The following CCDC33 variants were observed in gnomAD, a reference collection of about 807,000 sequenced individuals.
CCDC33 encodes coiled-coil domain containing 33.
CCDC33 carries 94 observed loss-of-function variants against 91.9 expected under a neutral mutation model. The observed-to-expected ratio is 1.02, with a 90% CI of 0.87 to 1.21. The LOEUF (loss-of-function observed/expected upper bound fraction) is 1.21. CCDC33 is among the 50% of genes most tolerant of loss of function. The pLI, the probability that CCDC33 is intolerant of heterozygous loss-of-function variation, is 0.00. For missense variants in CCDC33, 940 were observed against 935.5 expected, an observed-to-expected ratio of 1.00 and a Z score of -0.06; for synonymous variants, 396 against 374.5, an observed-to-expected ratio of 1.06 and a Z score of -0.66.
intron 7 of CCDC33, among the ~76,000 whole-genome samples, chr15:74,273,373 A>G (rs1039332828): frequency 6.6e-6 from 1 of 152,274 alleles, no homozygotes; most frequent in South Asian, 2.1e-4. Context: ...TGATGGTTAC[A>G]CAACAATACG....
At chr15:74,317,389 A>G (rs1226398570) in intron 11 of CCDC33, among the ~76,000 whole-genome samples, 2 of 152,176 alleles carry the variant, frequency 1.3e-5, no homozygotes, top group Non-Finnish European at 2.9e-5. Flanking sequence ...AGGAAAAAAG[A>G]AAAAGAGTAA....
intron 11 of CCDC33, among the ~76,000 whole-genome samples, chr15:74,314,497 G>A (rs182588345): frequency 6.6e-6 from 1 of 152,198 alleles, no homozygotes; most frequent in African/African-American, 2.4e-5. Flanking sequence ...AGTGGATTCA[G>A]TTAGGGCAAA....
At chr15:74,211,959 C>T (rs1183926064) in intron 2 of CCDC33, among the ~76,000 whole-genome samples, 1 of 152,096 alleles carries the variant, frequency 6.6e-6, no homozygotes, top group African/African-American at 2.4e-5. Context: ...CTTTGTTTTG[C>T]TCCCCACTCC....
chr15:74,228,763 T>C (rs1302390232), intron 2 of CCDC33, among the ~76,000 whole-genome samples: 1 of 152,198 alleles, frequency 6.6e-6, no homozygotes, highest in Non-Finnish European at 1.5e-5. Flanking sequence ...CCCCGTGGGA[T>C]TGTTTTCCAG....
intron 10 of CCDC33, among the ~76,000 whole-genome samples, chr15:74,288,732 C>A (rs1484214): frequency 0.52 from 79,119 of 151,978 alleles, 25,519 homozygotes; most frequent in Non-Finnish European, 0.72. Context: ...ACACTCACAG[C>A]CCCATCTGTA....
intron 5 of CCDC33, among the ~76,000 whole-genome samples, chr15:74,269,690 C>A (rs1012534535): frequency 1.4e-5 from 2 of 147,718 alleles, no homozygotes; most frequent in Non-Finnish European, 3.0e-5. Context: ...AGCCCTCTGA[C>A]TTGCCTGGTA....
chr15:74,261,686 C>T (rs1436388993), intron 2 of CCDC33, among the ~76,000 whole-genome samples: 1 of 152,144 alleles, frequency 6.6e-6, no homozygotes, highest in East Asian at 1.9e-4. Context: ...CTCCCTGAGC[C>T]GTTTGACGGC....
chr15:74,299,039 C>A (rs2059743133), intron 11 of CCDC33, among the ~76,000 whole-genome samples: 1 of 152,124 alleles, frequency 6.6e-6, no homozygotes, highest in South Asian at 2.1e-4. Context: ...GCAACAGTAA[C>A]CATTGTGAGC....
At chr15:74,271,663 C>T (rs564660460) in intron 5 of CCDC33, 40 bp from the exon 6 acceptor site, 1 of 1,528,036 alleles carries the variant, frequency 6.5e-7, no homozygotes, top group Admixed American at 1.7e-5. Context: ...GGTCCCAAGG[C>T]CACATGGTGT....
At chr15:74,246,348 G>T (rs1032747281) in intron 2 of CCDC33, among the ~76,000 whole-genome samples, 3 of 152,146 alleles carry the variant, frequency 2.0e-5, no homozygotes, top group East Asian at 1.9e-4. Context: ...AAGCTTCTGC[G>T]CAGCAAAGGG....
chr15:74,237,793 G>T (rs1337024571), intron 1 of CCDC33, among the ~76,000 whole-genome samples: 2 of 152,202 alleles, frequency 1.3e-5, no homozygotes, highest in East Asian at 1.9e-4. Context: ...AGGAGCCAAG[G>T]TTGCTTTGAT....
chr15:74,205,751 C>A (rs1407542828), intron 1 of CCDC33, among the ~76,000 whole-genome samples: 1 of 152,222 alleles, frequency 6.6e-6, no homozygotes, highest in African/African-American at 2.4e-5. Context: ...CCTTCCCCAC[C>A]CCCCACGGAG....
chr15:74,258,949 T>C (rs2075950204), intron 2 of CCDC33, among the ~76,000 whole-genome samples: 2 of 151,398 alleles, frequency 1.3e-5, no homozygotes, highest in African/African-American at 4.9e-5. Context: ...GGGACTGGAG[T>C]TTGTCAAAGA....
rs535262654 is a variant in CCDC33 at position 74,207,544 on chromosome 15, C to T, written n.90-1844C>T. Among the ~76,000 whole-genome samples the T allele has an allele frequency of 3.3e-5, 5 of 152,280 alleles. No homozygotes were observed. The South Asian group carries it at 1.0e-3, about 32-fold the overall frequency. ...AAAGGCCAGAGACCCCCGTTGCTCT[C>T]CACCCTCCCATCTCAGCCCTTGACT... On this transcript the variant is annotated intron_variant and non_coding_transcript_variant, in intron 1 of 3. Coordinates refer to the CCDC33 transcript ENST00000558645.
At chr15:74,255,040 G>A (rs769012267) in intron 2 of CCDC33, among the ~76,000 whole-genome samples, 5 of 151,930 alleles carry the variant, frequency 3.3e-5, no homozygotes, top group African/African-American at 9.7e-5. Context: ...GAGCCACCAC[G>A]CCTGGCCTCT....
chr15:74,291,994 A>T (rs990970934), intron 10 of CCDC33, among the ~76,000 whole-genome samples: 1 of 152,260 alleles, frequency 6.6e-6, no homozygotes, highest in African/African-American at 2.4e-5. Context: ...GTGCGTGGCC[A>T]TGCATCTCTT....
chr15:74,245,204 C>T (rs189085964), intron 2 of CCDC33, among the ~76,000 whole-genome samples: 15 of 152,338 alleles, frequency 9.8e-5, no homozygotes, highest in Middle Eastern at 3.4e-3. Context: ...CTCAACAATG[C>T]ATCCAACATA....
At chr15:74,216,036 G>A (rs551414691), upstream of CCDC33, among the ~76,000 whole-genome samples, 2 of 152,318 alleles carry the variant, frequency 1.3e-5, no homozygotes, top group South Asian at 2.1e-4. Context: ...GCCAGGATAC[G>A]TGCACAAAGG....
In CCDC33 at chr15:74,244,105, C is replaced by T; in HGVS notation, c.142C>T (p.Pro48Ser). Residue 48 changes from proline (P) to serine (S), a missense_variant, in exon 2 of 19, where the codon CCT becomes TCT. Transcript: ENST00000398814. The surrounding 1 kb of genome is among the most constrained non-coding windows in gnomAD (Gnocchi z 4.2). ...MVTLHGATNLPACKDGSEPWP... is the reference protein window; with the variant it reads ...MVTLHGATNLSACKDGSEPWP... The stretch of plus-strand genomic sequence containing the variant: ...CACCCTCCATGGGGCTACCAACCTG[C>T]CTGCCTGCAAGGATGGCTCCGAGCC... 6.2e-7 allele frequency: 1 copy of T among 1,613,850 alleles called. No individual in the cohort carries two copies. Among genetic ancestry groups the T allele is most frequent in the Non-Finnish European group, 8.5e-7 (1 of 1,179,812 alleles).
Sources: allele counts gnomAD v4.1 joint callset (sites outside exome capture counted in the v4.1 genomes callset), GRCh38; gene constraint gnomAD v4.1.1; non-coding constraint Gnocchi (gnomAD v3.1); transcripts MANE v1.5; gene names NCBI Gene and HGNC (gene_info 2026-07-23, HGNC 2026-07-21).